SATB1: variants seen among roughly 807,000 people sequenced by gnomAD.
SATB1 encodes the protein DNA-binding protein SATB1.
In SATB1, 11 loss-of-function variants were observed where a neutral mutation model predicts 86.9. That is an observed-to-expected ratio of 0.13 (90% CI 0.08 to 0.21). The LOEUF is 0.21. Ranked by LOEUF, SATB1 falls within the 10% of genes least tolerant of loss-of-function variation. The pLI is 1.00. For synonymous variants in SATB1, 357 were observed against 357.2 expected, an observed-to-expected ratio of 1.00 and a Z score of 0.01; for missense variants, 551 against 937.6, an observed-to-expected ratio of 0.59 and a Z score of 5.39.
Position 18,349,253 on chromosome 3 carries a change from T to C in SATB1, c.2209A>G (p.Thr737Ala). ...AGTTTCACTGAAAAAAGGGTGTTAG[T>C]ATTTTTATCTTGGACACTCTCTTCC... ...DLEESVQDKN[T>A]NTLFSVKLEE... The change falls in exon 11 of 11, where the codon ACT (threonine) becomes GCT (alanine). Residue 737 changes from threonine to alanine, a missense_variant. Thr to Ala is a moderately conservative substitution (Grantham distance 58). Around this residue, in one of 8 missense-constraint regions of SATB1, gnomAD observed 41 missense variants for 38.9 expected, o/e 1.06. Coordinates refer to ENST00000338745, the MANE Select transcript of SATB1 (RefSeq NM_002971.6). This position sits in a 1 kb window ranked among gnomAD's most constrained non-coding sequence, Gnocchi z 5.5. The C allele has an allele frequency of 6.2e-7, 1 of 1,614,242 alleles. No individual in the cohort carries two copies. Among genetic ancestry groups the C allele is most frequent in the Non-Finnish European group, 8.5e-7 (1 of 1,180,032 alleles).
intron 10 of SATB1, chr3:18,350,032 T>C (rs1005317338): frequency 1.2e-5 from 3 of 245,038 alleles, no homozygotes; most frequent in African/African-American, 4.5e-5. Context: ...ATGATGTAAA[T>C]AATTAACAAA....
chr3:18,430,280 C>T (rs1443891821), upstream of SATB1, among the ~76,000 whole-genome samples: 1 of 152,192 alleles, frequency 6.6e-6, no homozygotes, highest in Non-Finnish European at 1.5e-5. Context: ...GGCTTTCAGA[C>T]ATTCCAATGA....
upstream of SATB1, among the ~76,000 whole-genome samples, chr3:18,428,166 G>A (rs1698771985): frequency 6.6e-6 from 1 of 152,112 alleles, no homozygotes; most frequent in South Asian, 2.1e-4. Flanking sequence ...CCAGGTGGAG[G>A]GGCCTCATCT....
At chr3:18,385,654 C>T (rs1696305118) in intron 8 of SATB1, among the ~76,000 whole-genome samples, 1 of 151,454 alleles carries the variant, frequency 6.6e-6, no homozygotes, top group African/African-American at 2.4e-5. Context: ...AATATATTTG[C>T]TTGTGGTTTT....
rs1458123129 is a variant in SATB1 at position 18,424,975 on chromosome 3, G to C, written c.-1373C>G. ...TGAGTGTGAGCGCGAGTCCCCGGACGGGGCTGCTTCTCTCGCTCTCTCCCT... is the reference window on the plus strand; with the variant it reads ...TGAGTGTGAGCGCGAGTCCCCGGACCGGGCTGCTTCTCTCGCTCTCTCCCT... On this transcript the variant is annotated 5_prime_UTR_variant, in exon 1 of 11. Coordinates refer to ENST00000338745, the MANE Select transcript of SATB1 (RefSeq NM_002971.6). 1 of 155,000 alleles carries C rather than the reference G, an allele frequency of 6.5e-6. No individual in the cohort carries two copies. Among genetic ancestry groups the C allele is most frequent in the Non-Finnish European group, 1.4e-5 (1 of 69,896 alleles). The allele number at this position is 155,000 out of a possible 1,614,324, so 9.6% of individuals were successfully genotyped here.
chr3:18,445,005 C>G (rs1177200590), intron 1 of SATB1: 1 of 171,636 alleles, frequency 5.8e-6, no homozygotes, highest in Non-Finnish European at 1.1e-5. Flanking sequence ...CGCCTGCAGT[C>G]TGGAGGCGCA....
intron 5 of SATB1, among the ~76,000 whole-genome samples, chr3:18,400,032 T>C (rs1181406940): frequency 6.6e-6 from 1 of 152,108 alleles, no homozygotes; most frequent in Non-Finnish European, 1.5e-5. Context: ...CTGCAGAATT[T>C]TGTGGTGCAC....
intron 2 of SATB1, 118 bp downstream of exon 2, chr3:18,420,639 T>C (rs922231360): frequency 3.8e-6 from 3 of 793,572 alleles, no homozygotes; most frequent in Non-Finnish European, 6.5e-6. Context: ...TGTACGATCA[T>C]AAGGAGAATA....
intron 9 of SATB1, among the ~76,000 whole-genome samples, chr3:18,358,250 C>G (rs1162766903): frequency 1.3e-5 from 2 of 151,940 alleles, no homozygotes; most frequent in Non-Finnish European, 1.5e-5. Context: ...CCATCATGTC[C>G]TGTAATAAAA....
At chr3:18,442,124 C>G (rs1699258362), upstream of SATB1, among the ~76,000 whole-genome samples, 1 of 152,068 alleles carries the variant, frequency 6.6e-6, no homozygotes, top group African/African-American at 2.4e-5. Flanking sequence ...CTGGAAATAA[C>G]TATTCAGACT....
intron 9 of SATB1, among the ~76,000 whole-genome samples, chr3:18,372,530 G>A (rs1033506710): frequency 6.6e-6 from 1 of 151,950 alleles, no homozygotes; most frequent in Non-Finnish European, 1.5e-5. Flanking sequence ...CTCTTGATAC[G>A]ACTTTTTAGC....
At chr3:18,445,157 G>A (rs1158795107) in intron 1 of SATB1, 171 of 916,428 alleles carry the variant, frequency 1.9e-4, no homozygotes, top group Non-Finnish European at 2.1e-4. Context: ...GTGCGGCGCG[G>A]GCTGGCCAGC....
intron 9 of SATB1, among the ~76,000 whole-genome samples, chr3:18,363,905 G>C (rs1323594161): frequency 6.6e-6 from 1 of 152,110 alleles, no homozygotes; most frequent in Non-Finnish European, 1.5e-5. Context: ...CTCTCACAAA[G>C]TCCTACAGCA....
At chr3:18,354,687 G>C (rs1694542311) in intron 9 of SATB1, among the ~76,000 whole-genome samples, 1 of 152,058 alleles carries the variant, frequency 6.6e-6, no homozygotes, top group Admixed American at 6.5e-5. Flanking sequence ...AAGTAATGCA[G>C]AGATCAGTTA....
rs3892469 is a variant in SATB1 at position 18,415,814 on chromosome 3, G to T, written c.515+193C>A. Among the ~76,000 whole-genome samples, 1,498 of 151,710 alleles carry T rather than the reference G, an allele frequency of 9.9e-3. 23 individuals carry two copies. Among genetic ancestry groups the T allele is most frequent in the East Asian group, 0.045 (232 of 5,124 alleles). On this transcript the variant is annotated intron_variant, in intron 4 of 10. Coordinates refer to ENST00000338745, the MANE Select transcript of SATB1 (RefSeq NM_002971.6). ...CCTACACATTTTTTGTGTGTGTGGG[G>T]GGGGGGATTGCTTTTAAATTATACA...
At chr3:18,430,218 A>G (rs1350771049), upstream of SATB1, among the ~76,000 whole-genome samples, 2 of 152,172 alleles carry the variant, frequency 1.3e-5, no homozygotes, top group Non-Finnish European at 2.9e-5. Flanking sequence ...CCTTTAAAAG[A>G]CAACTAAGGG....
chr3:18,403,964 G>GA (rs1224302353), intron 5 of SATB1, among the ~76,000 whole-genome samples: 10 of 152,092 alleles, frequency 6.6e-5, no homozygotes, highest in African/African-American at 2.4e-4. Flanking sequence ...TCTGTCCATG[G>GA]AAAATTCAAA....
chr3:18,378,981 AC>A (rs1695907134), intron 8 of SATB1, among the ~76,000 whole-genome samples: 1 of 152,132 alleles, frequency 6.6e-6, no homozygotes, highest in Non-Finnish European at 1.5e-5. Flanking sequence ...TTTTCCTGGC[AC>A]CCCTGTATAT....
chr3:18,432,192 T>C (rs1410612573), intron 2 of SATB1, among the ~76,000 whole-genome samples: 3 of 152,188 alleles, frequency 2.0e-5, no homozygotes, highest in Non-Finnish European at 2.9e-5. Context: ...AGACTGTCCA[T>C]GTCAAGGAGC....
Sources: allele counts gnomAD v4.1 joint callset (sites outside exome capture counted in the v4.1 genomes callset), GRCh38; gene constraint gnomAD v4.1.1; regional missense constraint gnomAD v4.1.1; non-coding constraint Gnocchi (gnomAD v3.1); transcripts MANE v1.5; gene names NCBI Gene and HGNC (gene_info 2026-07-23, HGNC 2026-07-21).